KDM5A: variants seen among roughly 807,000 people sequenced by gnomAD.
The protein encoded by KDM5A is lysine-specific demethylase 5A.
Under a neutral mutation model 193.5 loss-of-function variants are expected in KDM5A, and 42 were observed. The observed-to-expected ratio is 0.22, with a 90% CI of 0.17 to 0.28. The LOEUF is 0.28. KDM5A is among the 10% of genes least tolerant of loss of function. The pLI, the probability that KDM5A is intolerant of heterozygous loss-of-function variation, is 1.00. For missense variants in KDM5A, 1,692 were observed against 2,055.1 expected (o/e 0.82, Z 3.42); for synonymous variants, 796 against 718.1 (o/e 1.11, Z -1.73).
At position 389,138 on chromosome 12, in the gene KDM5A, GA is replaced by G; in HGVS notation, c.-48del. 6.4e-7 allele frequency: 1 copy of G among 1,567,436 alleles called. No homozygotes were observed. The highest frequency in any genetic ancestry group is 8.7e-7 in the Non-Finnish European group (1 of 1,143,758). On this transcript the variant is annotated 5_prime_UTR_variant, in exon 1 of 28. Transcript: ENST00000399788. The stretch of plus-strand genomic sequence containing the variant: ...GGGGTCCCCGTGGGGAACCGGTGGA[GA>G]AAAGCTGGCTGAAGCCCACTAAGCC...
intron 3 of KDM5A, among the ~76,000 whole-genome samples, chr12:372,803 C>G (rs576076514): frequency 6.6e-6 from 1 of 152,194 alleles, no homozygotes; most frequent in Non-Finnish European, 1.5e-5. Flanking sequence ...TAGCATGAAG[C>G]ATTGTTGAAT....
chr12:287,980 CA>C (rs1255447820), intron 27 of KDM5A, among the ~76,000 whole-genome samples: 1 of 152,140 alleles, frequency 6.6e-6, no homozygotes, highest in African/African-American at 2.4e-5. Flanking sequence ...TCTACCATTT[CA>C]AAAGAGTATA....
chr12:319,231 C>T (rs927841226), intron 18 of KDM5A, among the ~76,000 whole-genome samples: 2 of 152,006 alleles, frequency 1.3e-5, no homozygotes, highest in African/African-American at 4.8e-5. Flanking sequence ...TTCTGGCTAC[C>T]AAACAAAAAA....
At chr12:291,747 C>T (rs1394950179) in intron 27 of KDM5A, among the ~76,000 whole-genome samples, 2 of 151,968 alleles carry the variant, frequency 1.3e-5, no homozygotes, top group Admixed American at 6.5e-5. Context: ...TGATAAGAGC[C>T]GTAACAGGTG....
At position 310,984 on chromosome 12, in the gene KDM5A, T is replaced by G. The variant is rs1326875601; in HGVS notation, c.3117A>C (p.Ala1039=). 6.2e-7 allele frequency: 1 copy of G among 1,614,084 alleles called. No individual in the cohort carries two copies. The highest frequency in any genetic ancestry group is 8.5e-7 in the Non-Finnish European group (1 of 1,180,032). ...KGRPIPVRLE[A]LPQVESQVAA... ...CTACCTGTGATTCCACTTGCGGCAG[T>G]GCTTCAAGACGCACAGGAATAGGGC... Residue 1039 remains alanine (A), a synonymous_variant, in exon 21 of 28, where the codon GCA becomes GCC. Transcript: ENST00000399788.
intron 14 of KDM5A, among the ~76,000 whole-genome samples, chr12:324,989 C>A (rs964273402): frequency 3.3e-5 from 5 of 152,114 alleles, no homozygotes; most frequent in African/African-American, 1.2e-4. Context: ...TACTTGTAAA[C>A]CCAATTCTGC....
At chr12:312,376 G>A (rs564560403) in intron 20 of KDM5A, among the ~76,000 whole-genome samples, 1 of 152,228 alleles carries the variant, frequency 6.6e-6, no homozygotes, top group South Asian at 2.1e-4. Flanking sequence ...CAAGAGTACT[G>A]TGGTGCTCAG....
Position 350,731 on chromosome 12 carries a change from T to C in KDM5A, c.1198A>G (p.Ser400Gly). The C allele has an allele frequency of 1.2e-6, 2 of 1,614,062 alleles. No homozygotes were observed. The highest frequency in any genetic ancestry group is 1.7e-6 in the Non-Finnish European group (2 of 1,179,954). The change falls in exon 10 of 28, where the codon AGC becomes GGC. Residue 400 changes from serine to glycine, a missense_variant. By Grantham distance (56) the Ser-to-Gly change is moderately conservative (BLOSUM62 0). Around this residue, in one of 11 missense-constraint regions of KDM5A, gnomAD observed 172 missense variants for 260.3 expected, o/e 0.66. Coordinates refer to ENST00000399788, the MANE Select transcript of KDM5A (RefSeq NM_001042603.3). ...VEKEFWRLVS[S>G]IEEDVIVEYG... ...TCCACAATAACATCTTCTTCAATGCTGCTTACCAGCCGCCAAAATTCCTTT... is the reference window on the plus strand; with the variant it reads ...TCCACAATAACATCTTCTTCAATGCCGCTTACCAGCCGCCAAAATTCCTTT...
rs1225570605 is a variant in KDM5A, at chr12:359,698, C to T, written c.673-3161G>A. Among the ~76,000 whole-genome samples, 6 of 144,468 alleles carry T rather than the reference C, an allele frequency of 4.2e-5. 1 individual carries two copies. The South Asian group carries it at 9.1e-4, about 22-fold the overall frequency. The allele number at this position is 144,468 out of a possible 152,430, so 94.8% of individuals were successfully genotyped here. A position where few individuals can be genotyped will look rare whatever the true frequency, so the allele number is the denominator to read the frequency against. ...CAGAGGTTGCGATTAACCAAGACTGCGCCACTGCACTCCAGCCTGGGTGAC... is the reference window on the plus strand; with the variant it reads ...CAGAGGTTGCGATTAACCAAGACTGTGCCACTGCACTCCAGCCTGGGTGAC... On this transcript the variant is annotated intron_variant, in intron 5 of 27. Coordinates refer to ENST00000399788, the MANE Select transcript of KDM5A (RefSeq NM_001042603.3).
intron 26 of KDM5A, 46 bp from the exon 27 acceptor site, chr12:293,215 A>T: frequency 6.6e-7 from 1 of 1,519,956 alleles, no homozygotes; most frequent in Admixed American, 1.7e-5. Context: ...AAGACAGTTA[A>T]AAAACAGTAT....
intron 3 of KDM5A, among the ~76,000 whole-genome samples, chr12:379,961 A>G (rs535449797): frequency 6.6e-6 from 1 of 152,258 alleles, no homozygotes; most frequent in South Asian, 2.1e-4. Context: ...TTGAAATCCT[A>G]TGACTTTAGA....
intron 3 of KDM5A, among the ~76,000 whole-genome samples, chr12:383,601 CTAGAG>C (rs1944602825): frequency 6.6e-6 from 1 of 151,922 alleles, no homozygotes; most frequent in African/African-American, 2.4e-5. Context: ...CATTAGCAGG[CTAGAG>C]TAATTTATTT....
chr12:380,649 G>A (rs903773721), intron 3 of KDM5A, among the ~76,000 whole-genome samples: 2 of 152,038 alleles, frequency 1.3e-5, no homozygotes, highest in African/African-American at 4.8e-5. Flanking sequence ...GTTGAACCTG[G>A]GAGATGGAGG....
intron 16 of KDM5A, 83 bp from the exon 17 acceptor site, chr12:322,650 G>GT: frequency 3.6e-6 from 4 of 1,112,350 alleles, no homozygotes; most frequent in Non-Finnish European, 4.1e-6. Context: ...CCTCACTCAA[G>GT]TGAGTCCCCA....
At chr12:288,044 A>G (rs1360383507) in intron 27 of KDM5A, among the ~76,000 whole-genome samples, 1 of 152,218 alleles carries the variant, frequency 6.6e-6, no homozygotes, top group Admixed American at 6.5e-5. Flanking sequence ...TACAGGTTAT[A>G]TAACAATTTA....
At chr12:296,548 G>C (rs1943376727) in intron 25 of KDM5A, among the ~76,000 whole-genome samples, 1 of 152,072 alleles carries the variant, frequency 6.6e-6, no homozygotes, top group Admixed American at 6.5e-5. Flanking sequence ...ATTATAAAGA[G>C]ATAAACACCC....
intron 10 of KDM5A, among the ~76,000 whole-genome samples, chr12:342,547 C>T (rs1029500025): frequency 6.6e-6 from 1 of 151,950 alleles, no homozygotes; most frequent in Non-Finnish European, 1.5e-5. Flanking sequence ...GCAACCTCCG[C>T]CTCCCACGTT....
At chr12:308,459 T>A (rs1943541617) in intron 22 of KDM5A, among the ~76,000 whole-genome samples, 1 of 152,204 alleles carries the variant, frequency 6.6e-6, no homozygotes, top group South Asian at 2.1e-4. Flanking sequence ...AAGTATTAGT[T>A]TCCTATCACC....
Position 354,088 on chromosome 12 carries a change from T to C in KDM5A, c.1017A>G (p.Lys339=), listed in dbSNP as rs1386777077. The C allele has an allele frequency of 5.0e-6, 8 of 1,613,600 alleles. No homozygotes were observed. In the East Asian group the frequency reaches 1.3e-4, roughly 27 times the overall value. Residue 339 remains lysine (K), a synonymous_variant, in exon 8 of 28, where the codon AAA becomes AAG. Transcript: ENST00000399788. The part of the protein sequence containing the change: ...DVPKGDWRCP[K]CVAEECSKPR... ...GTTAGACGTGTACCTCGGCGACACA[T>C]TTAGGACACCTCCAGTCTCCTTTGG...
Sources: allele counts gnomAD v4.1 joint callset (sites outside exome capture counted in the v4.1 genomes callset), GRCh38; gene constraint gnomAD v4.1.1; regional missense constraint gnomAD v4.1.1; transcripts MANE v1.5; gene names NCBI Gene and HGNC (gene_info 2026-07-23, HGNC 2026-07-21).